CCDC27: variants seen among roughly 807,000 people sequenced by gnomAD.
The protein encoded by CCDC27 is coiled-coil domain-containing protein 27.
A neutral mutation model predicts 80.3 loss-of-function variants in CCDC27; 80 were observed. That is an observed-to-expected ratio of 1.00 (90% CI 0.83 to 1.20). CCDC27 has a LOEUF of 1.20. CCDC27 is among the 50% of genes most tolerant of loss of function. The probability of loss-of-function intolerance (pLI) is 0.00; values close to 1 mark genes in which losing one functional copy is unlikely to be tolerated. For synonymous variants in CCDC27, 342 were observed against 334.3 expected (o/e 1.02, Z -0.25); for missense variants, 815 against 809.4 (o/e 1.01, Z -0.08).
Position 3,768,442 on chromosome 1 carries a change from G to A in CCDC27, c.1743+997G>A, listed in dbSNP as rs534234507. On this transcript the variant is annotated intron_variant, in intron 10 of 11. Coordinates refer to ENST00000294600, the MANE Select transcript of CCDC27 (RefSeq NM_152492.3). The surrounding 1 kb of genome is among the most constrained non-coding windows in gnomAD (Gnocchi z 5.6). Reference sequence around the variant, plus strand: ...AAAATTAAGCAAAGGTCAAGGTCATGTATGGAGGCTTTTGAAGTCAGGTTC... The same window carrying A: ...AAAATTAAGCAAAGGTCAAGGTCATATATGGAGGCTTTTGAAGTCAGGTTC... Among the ~76,000 whole-genome samples, 9 of 152,290 alleles carry A rather than the reference G, an allele frequency of 5.9e-5. No individual in the cohort carries two copies. The highest frequency in any genetic ancestry group is 2.2e-4 in the African/African-American group (9 of 41,562).
Position 3,763,153 on chromosome 1 carries a change from C to A in CCDC27, c.1000C>A (p.Leu334Met), listed in dbSNP as rs1311891117. 1.3e-6 allele frequency: 2 copies of A among 1,490,862 alleles called. No homozygotes were observed. The highest frequency in any genetic ancestry group is 1.8e-6 in the Non-Finnish European group (2 of 1,119,526). The allele number at this position is 1,490,862 out of a possible 1,614,324, so 92.4% of individuals were successfully genotyped here. A position where few individuals can be genotyped will look rare whatever the true frequency, so the allele number is the denominator to read the frequency against. Residue 334 changes from leucine to methionine, a missense_variant, in exon 7 of 12, where the codon CTG becomes ATG. By Grantham distance (15) the Leu-to-Met change is conservative. Coordinates refer to ENST00000294600, the MANE Select transcript of CCDC27 (RefSeq NM_152492.3). The surrounding 1 kb of genome is among the most constrained non-coding windows in gnomAD (Gnocchi z 7.5). ...ACCGGAGAGGGGCAAGGAGCCCGAC[C>A]TGGGAGGTGGCGAGGAGGACGAGGG... The part of the protein sequence containing the change: ...AAPERGKEPD[L>M]GGGEEDEGLE...
chr1:3,754,342 G>A, intron 2 of CCDC27, 101 bp downstream of exon 2: 1 of 1,413,182 alleles, frequency 7.1e-7, no homozygotes, highest in Non-Finnish European at 9.3e-7. Flanking sequence ...AGCCGCCAGA[G>A]TTGGCCTCCA....
chr1:3,767,871 C>T (rs148078863), intron 10 of CCDC27, among the ~76,000 whole-genome samples: 1 of 152,188 alleles, frequency 6.6e-6, no homozygotes, highest in East Asian at 1.9e-4. Context: ...GCTCCTTTAA[C>T]CAGACTGCGA....
chr1:3,752,712 C>T lies in CCDC27; in HGVS notation c.231C>T (p.Asp77=), dbSNP rs746352203. ...TCCTCCAGAGCATGGCCAGCCGGGA[C>T]GCCCGGTGCCCAGAATGGAAACCGC... ...LVLLQSMASR[D]ARCPEWKPHQ... The change falls in exon 1 of 12, where the codon GAC becomes GAT. Residue 77 remains aspartate (D), a synonymous_variant. Coordinates refer to ENST00000294600, the MANE Select transcript of CCDC27 (RefSeq NM_152492.3). 20 of 1,613,768 alleles carry T rather than the reference C, an allele frequency of 1.2e-5. No individual in the cohort carries two copies. The highest frequency in any genetic ancestry group is 6.7e-5 in the East Asian group (3 of 44,898).
At chr1:3,752,988 C>T (rs186811888) in intron 1 of CCDC27, among the ~76,000 whole-genome samples, 189 bp downstream of exon 1, 188 of 152,346 alleles carry the variant, frequency 1.2e-3, no homozygotes, top group Non-Finnish European at 2.3e-3. Context: ...CGGTCCTCTC[C>T]CTTTCTGAAG....
Position 3,769,416 on chromosome 1 carries a change from T to G in CCDC27, c.1744-367T>G, listed in dbSNP as rs1643306929. ...GGAAGTCCGCTCACTGCAGCTCCCC[T>G]GGGCAGTGGAGGATGGTCCAGGGGT... On this transcript the variant is annotated intron_variant, in intron 10 of 11. Transcript: ENST00000294600. The surrounding 1 kb of genome is among the most constrained non-coding windows in gnomAD (Gnocchi z 4.6). Among the ~76,000 whole-genome samples the G allele has an allele frequency of 6.6e-6, 1 of 152,194 alleles. No individual in the cohort carries two copies. The highest frequency in any genetic ancestry group is 2.4e-5 in the African/African-American group (1 of 41,448).
intron 4 of CCDC27, among the ~76,000 whole-genome samples, chr1:3,758,786 G>A (rs763884151): frequency 6.6e-6 from 1 of 151,982 alleles, no homozygotes; most frequent in African/African-American, 2.4e-5. Context: ...TTGTGGAGAC[G>A]AGGTTTCTCC....
At chr1:3,767,745 AAGG>A (rs1643267687) in intron 10 of CCDC27, among the ~76,000 whole-genome samples, 1 of 152,212 alleles carries the variant, frequency 6.6e-6, no homozygotes, top group African/African-American at 2.4e-5. Context: ...ACTGGCTGGA[AAGG>A]AGGAGGGCAC....
chr1:3,754,404 G>C (rs903908711), intron 2 of CCDC27, among the ~76,000 whole-genome samples, 163 bp downstream of exon 2: 1 of 152,122 alleles, frequency 6.6e-6, no homozygotes, highest in Non-Finnish European at 1.5e-5. Context: ...AGGGAGCCAG[G>C]GCAGCAATGA....
chr1:3,754,133 G>A lies in CCDC27; in HGVS notation c.334G>A (p.Ala112Thr). 6 of 1,613,352 alleles carry A rather than the reference G, an allele frequency of 3.7e-6. No individual in the cohort carries two copies. The East Asian group carries it at 1.3e-4, about 36-fold the overall frequency. ...YYRKTSEPKD[A>T]ASLTGFMSKM... ...GCTCTGCCAGAGTGAACCCAAGGAT[G>A]CCGCCAGCCTCACCGGCTTCATGTC... is the stretch of plus-strand genomic sequence containing the variant. The change falls in exon 2 of 12, where the codon GCC (alanine) becomes ACC (threonine). Residue 112 changes from alanine to threonine, a missense_variant. Physicochemically the swap from Ala to Thr is moderately conservative, Grantham distance 58. Coordinates refer to ENST00000294600, the MANE Select transcript of CCDC27 (RefSeq NM_152492.3).
intron 2 of CCDC27, 33 bp downstream of exon 2, chr1:3,754,274 C>T: frequency 6.5e-7 from 1 of 1,549,052 alleles, no homozygotes. Flanking sequence ...GCCTGTGAAA[C>T]TGCCTGTCAG....
rs184926296 is a variant in CCDC27 at position 3,756,764 on chromosome 1, C to T, written c.585C>T (p.Cys195=). The T allele has an allele frequency of 2.4e-5, 38 of 1,614,050 alleles. No individual in the cohort carries two copies. The highest frequency in any genetic ancestry group is 1.8e-4 in the Admixed American group (11 of 60,026). The change falls in exon 4 of 12, where the codon TGC becomes TGT. Residue 195 remains cysteine, a synonymous_variant. Transcript: ENST00000294600. ...GYLLPFSKSI[C]EFDYLRKRRK... ...TCCTTCCCTTCAGTAAGAGCATCTG[C>T]GAGTTCGATTACTTGCGGAAGAGGA...
chr1:3,766,489 TC>T lies in CCDC27; in HGVS notation c.1453-45del, dbSNP rs1278775979. ...TTAGATGCCGGAATTCAGTCTGTTA[TC>T]TAAACCTGGGAGTCCCCCAAGCCAA... On this transcript the variant is annotated intron_variant, in intron 8 of 11. Coordinates refer to ENST00000294600, the MANE Select transcript of CCDC27 (RefSeq NM_152492.3). The surrounding 1 kb of genome is among the most constrained non-coding windows in gnomAD (Gnocchi z 6.1). 72 of 1,405,004 alleles carry T rather than the reference TC, an allele frequency of 5.1e-5. No homozygotes were observed. The highest frequency in any genetic ancestry group is 6.8e-5 in the Non-Finnish European group (68 of 1,002,184). 87.0% of individuals were successfully genotyped at this position (1,405,004 alleles called of 1,614,324 possible). A position where few individuals can be genotyped will look rare whatever the true frequency, so the allele number is the denominator to read the frequency against.
chr1:3,755,806 T>A, intron 3 of CCDC27: 1 of 507,386 alleles, frequency 2.0e-6, no homozygotes, highest in South Asian at 2.3e-5. Flanking sequence ...AAAATCGTAG[T>A]TGAAAGTTTT....
In CCDC27 at chr1:3,763,715, CG is replaced by C. The variant is rs1557627420; in HGVS notation, c.1332del (p.Ser445LeufsTer37). 1.9e-6 allele frequency: 3 copies of C among 1,614,094 alleles called. No homozygotes were observed. The highest frequency in any genetic ancestry group is 2.5e-6 in the Non-Finnish European group (3 of 1,179,976). The stretch of plus-strand genomic sequence containing the variant: ...CTGCCTCTGTGCCCAGGAGTGATTG[CG>C]TCTTTACAACAACAAGTGGATTTCC... ...TRYSLATGVI[A>X]SLQQQVDFQE... On this transcript the variant is annotated frameshift_variant, in exon 8 of 12. Coordinates refer to ENST00000294600, the MANE Select transcript of CCDC27 (RefSeq NM_152492.3). LOFTEE classifies it high-confidence loss of function. This position sits in a 1 kb window ranked among gnomAD's most constrained non-coding sequence, Gnocchi z 7.5.
chr1:3,766,921 A>G lies in CCDC27; in HGVS notation c.1530+309A>G, dbSNP rs559777226. Among the ~76,000 whole-genome samples the G allele has an allele frequency of 4.1e-5, 6 of 148,110 alleles. No individual in the cohort carries two copies. The South Asian group carries it at 1.3e-3, about 32-fold the overall frequency. On this transcript the variant is annotated intron_variant, in intron 9 of 11. Transcript: ENST00000294600. The surrounding 1 kb of genome is among the most constrained non-coding windows in gnomAD (Gnocchi z 6.1). ...AGTGGTGTGATCTCAGCTCACTGCA[A>G]CCTCCGCCTCCTGGGTTCAAGTGAT...
In CCDC27 at chr1:3,755,577, C is replaced by A; in HGVS notation, c.553+10C>A. 1 of 1,607,676 alleles carries A rather than the reference C, an allele frequency of 6.2e-7. No individual in the cohort carries two copies. Among genetic ancestry groups the A allele is most frequent in the Non-Finnish European group, 8.5e-7 (1 of 1,174,642 alleles). ...GACACGAACGTGGACGGTGAGGGAG[C>A]CCCTAGGGCCTCTGCCTGCACCTGC... On this transcript the variant is annotated intron_variant, in intron 3 of 11. Transcript: ENST00000294600.
At chr1:3,755,154 C>T (rs933377005) in intron 2 of CCDC27, among the ~76,000 whole-genome samples, 2 of 152,184 alleles carry the variant, frequency 1.3e-5, no homozygotes, top group African/African-American at 4.8e-5. Flanking sequence ...GGCAGGGGAG[C>T]TTCCGTTCGA....
Position 3,769,656 on chromosome 1 carries a change from GC to G in CCDC27, c.1744-125del. On this transcript the variant is annotated intron_variant, in intron 10 of 11. Transcript: ENST00000294600. This position sits in a 1 kb window ranked among gnomAD's most constrained non-coding sequence, Gnocchi z 4.6. The stretch of plus-strand genomic sequence containing the variant: ...CTGACACCTGTTTCCAGTTTCTAAA[GC>G]CATGAAAAGTGAGGGTGAGCTGTTC... 1 of 687,730 alleles carries G rather than the reference GC, an allele frequency of 1.5e-6. No homozygotes were observed. Among genetic ancestry groups the G allele is most frequent in the Non-Finnish European group, 2.7e-6 (1 of 376,902 alleles). The allele number at this position is 687,730 out of a possible 1,614,324, so 42.6% of individuals were successfully genotyped here. A position where few individuals can be genotyped will look rare whatever the true frequency, so the allele number is the denominator to read the frequency against.
Sources: gnomAD v4.1 joint callset for allele counts (sites outside exome capture counted in the v4.1 genomes callset) on GRCh38, gnomAD v4.1.1 for gene constraint, Gnocchi (gnomAD v3.1) non-coding constraint, MANE v1.5 for transcripts, NCBI Gene and HGNC (gene_info 2026-07-23, HGNC 2026-07-21) for gene names.